The following XYLT1 variants were observed in gnomAD, a reference collection of about 807,000 sequenced individuals.
XYLT1 encodes beta-D-xylosyltransferase 1.
Under a neutral mutation model 91.3 loss-of-function variants are expected in XYLT1, and 36 were observed. That is an observed-to-expected ratio of 0.39 (90% CI 0.30 to 0.52). The LOEUF (loss-of-function observed/expected upper bound fraction) is 0.52. XYLT1 is among the 20% of genes least tolerant of loss of function. The pLI is 0.68. For missense variants in XYLT1, 1,242 were observed against 1,284.5 expected (o/e 0.97, Z 0.51); for synonymous variants, 588 against 532.0 (o/e 1.11, Z -1.45).
intron 3 of XYLT1, among the ~76,000 whole-genome samples, chr16:17,253,909 T>C (rs957536947): frequency 6.8e-6 from 1 of 147,510 alleles, no homozygotes; most frequent in African/African-American, 2.5e-5. Context: ...CAATGTGAGA[T>C]AAAGTGACCC....
chr16:17,165,376 G>T (rs2031652407), intron 5 of XYLT1, among the ~76,000 whole-genome samples: 1 of 152,192 alleles, frequency 6.6e-6, no homozygotes, highest in Admixed American at 6.5e-5. Flanking sequence ...TTTAACGGTT[G>T]CACAGGATCC....
chr16:17,468,869 T>C (rs762040041), intron 1 of XYLT1, among the ~76,000 whole-genome samples: 1 of 152,020 alleles, frequency 6.6e-6, no homozygotes, highest in Admixed American at 6.6e-5. Context: ...CCCCACCTCC[T>C]GGGCTCTGGA....
intron 7 of XYLT1, among the ~76,000 whole-genome samples, chr16:17,140,568 G>A (rs1355796674): frequency 6.6e-6 from 1 of 151,060 alleles, no homozygotes; most frequent in Non-Finnish European, 1.5e-5. Context: ...GGCTGAGGCA[G>A]CAGAATTGCT....
intron 2 of XYLT1, among the ~76,000 whole-genome samples, chr16:17,344,410 A>G (rs2035114475): frequency 1.3e-5 from 2 of 150,462 alleles, no homozygotes; most frequent in South Asian, 2.1e-4. Flanking sequence ...GGAGAATGGC[A>G]CGAACCCGGG....
intron 2 of XYLT1, among the ~76,000 whole-genome samples, chr16:17,273,143 AT>A (rs1171893957): frequency 6.6e-6 from 1 of 152,224 alleles, no homozygotes; most frequent in East Asian, 1.9e-4. Flanking sequence ...CCTAACTTAG[AT>A]TTACATATGA....
At chr16:17,304,776 C>T (rs1053256415) in intron 2 of XYLT1, among the ~76,000 whole-genome samples, 1 of 152,078 alleles carries the variant, frequency 6.6e-6, no homozygotes, top group Admixed American at 6.6e-5. Context: ...GGGAAGGTAA[C>T]CTATTTTCTC....
chr16:17,406,374 C>T (rs1567191905), intron 1 of XYLT1, among the ~76,000 whole-genome samples: 1 of 152,222 alleles, frequency 6.6e-6, no homozygotes, highest in East Asian at 1.9e-4. Flanking sequence ...TAATGAACAG[C>T]TGTGTGACTT....
At chr16:17,209,904 T>C (rs2141598057) in intron 3 of XYLT1, among the ~76,000 whole-genome samples, 1 of 152,296 alleles carries the variant, frequency 6.6e-6, no homozygotes, top group African/African-American at 2.4e-5. Context: ...TTTGTCTTTT[T>C]TAAATTCGTA....
At chr16:17,357,981 G>C (rs982690438) in intron 2 of XYLT1, 31 bp downstream of exon 2, 1 of 1,611,824 alleles carries the variant, frequency 6.2e-7, no homozygotes. Context: ...CTAAGGCTGA[G>C]ATAAGTGGCC....
intron 2 of XYLT1, among the ~76,000 whole-genome samples, chr16:17,313,579 C>T (rs1011561361): frequency 6.6e-6 from 1 of 152,068 alleles, no homozygotes; most frequent in African/African-American, 2.4e-5. Context: ...ATCCGTGGGA[C>T]TGTGGGTGAA....
At chr16:17,385,160 A>G (rs1281862718) in intron 1 of XYLT1, among the ~76,000 whole-genome samples, 1 of 151,660 alleles carries the variant, frequency 6.6e-6, no homozygotes, top group African/African-American at 2.4e-5. Flanking sequence ...CATGTCACTC[A>G]CCTTTATGTC....
intron 2 of XYLT1, among the ~76,000 whole-genome samples, chr16:17,318,790 C>CTTTTTTTTTTTT (rs58376375): frequency 1.1e-4 from 16 of 142,642 alleles, no homozygotes; most frequent in Non-Finnish European, 1.5e-4. Flanking sequence ...TCTGCTTACT[C>CTTTTTTTTTTTT]TTTTTTTTTT....
intron 7 of XYLT1, among the ~76,000 whole-genome samples, chr16:17,140,533 C>T (rs531291696): frequency 1.3e-5 from 2 of 151,756 alleles, no homozygotes; most frequent in East Asian, 1.9e-4. Context: ...TGGTGGTGGG[C>T]GCCTATAATC....
chr16:17,378,126 C>CA (rs11441965), intron 1 of XYLT1, among the ~76,000 whole-genome samples: 43,479 of 151,992 alleles, frequency 0.29, 6,682 homozygotes, highest in Non-Finnish European at 0.36. Context: ...AATAAATGTT[C>CA]GAGAATGAAA....
chr16:17,410,223 A>G (rs749982187), intron 1 of XYLT1, among the ~76,000 whole-genome samples: 34 of 152,380 alleles, frequency 2.2e-4, no homozygotes, highest in Non-Finnish European at 4.1e-4. Context: ...TATTAGAGCC[A>G]TAAGTGCATA....
At chr16:17,168,034 A>G (rs1716347807) in intron 5 of XYLT1, among the ~76,000 whole-genome samples, 1 of 152,252 alleles carries the variant, frequency 6.6e-6, no homozygotes, top group African/African-American at 2.4e-5. Context: ...GTTGCAGACC[A>G]ACAGTGAATA....
intron 1 of XYLT1, among the ~76,000 whole-genome samples, chr16:17,420,684 C>G (rs531033062): frequency 9.2e-6 from 1 of 108,894 alleles, no homozygotes; most frequent in South Asian, 2.5e-4. Flanking sequence ...GCTAATTATT[C>G]AGATTTTTTT....
In XYLT1 at chr16:17,259,434, A is replaced by G. The variant is rs1388765352; in HGVS notation, c.467T>C (p.Val156Ala). The G allele has an allele frequency of 1.9e-6, 3 of 1,613,824 alleles. No homozygotes were observed. Among genetic ancestry groups the G allele is most frequent in the Non-Finnish European group, 2.5e-6 (3 of 1,179,972 alleles). ...GTCGACATTCTCAAAGTCTTTGGGG[A>G]CAGAGTTCTCGTTGTTGCTGTCTGT... Reference protein sequence around the residue: ...VRTDSNNENSVPKDFENVDNS... With the variant: ...VRTDSNNENSAPKDFENVDNS... The change falls in exon 3 of 12, where the codon GTC (valine) becomes GCC (alanine). Residue 156 changes from valine (V) to alanine (A), a missense_variant. Physicochemically the swap from Val to Ala is moderately conservative, Grantham distance 64 (BLOSUM62 0). Coordinates refer to ENST00000261381, the MANE Select transcript of XYLT1 (RefSeq NM_022166.4).
chr16:17,457,826 T>G (rs983346282), intron 1 of XYLT1, among the ~76,000 whole-genome samples: 1 of 151,906 alleles, frequency 6.6e-6, no homozygotes, highest in Non-Finnish European at 1.5e-5. Context: ...AGCATAGTCC[T>G]CCATTAAAAA....
Sources: allele counts gnomAD v4.1 joint callset (sites outside exome capture counted in the v4.1 genomes callset), GRCh38; gene constraint gnomAD v4.1.1; transcripts MANE v1.5; gene names NCBI Gene and HGNC (gene_info 2026-07-23, HGNC 2026-07-21).